Variants in OSCP1 observed in about 807,000 individuals in gnomAD.
OSCP1 encodes organic solute carrier partner 1, also known as protein OSCP1.
Under a neutral mutation model 45.1 loss-of-function variants are expected in OSCP1, and 35 were observed. That is an observed-to-expected ratio of 0.78 (90% CI 0.59 to 1.03). The LOEUF (loss-of-function observed/expected upper bound fraction) is 1.03. Among genes scored for constraint, OSCP1 ranks in the 50% least tolerant of loss-of-function variants. OSCP1 has a pLI of 0.00. For missense variants in OSCP1, 400 were observed against 470.7 expected (o/e 0.85, Z 1.39); for synonymous variants, 179 against 180.1 (o/e 0.99, Z 0.05).
At chr1:36,421,997 A>G in intron 7 of OSCP1, 153 bp downstream of exon 7, 1 of 697,980 alleles carries the variant, frequency 1.4e-6, no homozygotes, top group East Asian at 2.6e-5. Context: ...TACAATTAAA[A>G]CCTGTGTACT....
At chr1:36,445,989 A>G (rs1236756569) in intron 1 of OSCP1, among the ~76,000 whole-genome samples, 1 of 151,158 alleles carries the variant, frequency 6.6e-6, no homozygotes, top group East Asian at 2.0e-4. Context: ...CTGGGATTAC[A>G]GGTGTGAGCC....
At chr1:36,443,045 C>T (rs1014293851) in intron 1 of OSCP1, among the ~76,000 whole-genome samples, 6 of 152,148 alleles carry the variant, frequency 3.9e-5, no homozygotes, top group African/African-American at 1.4e-4. Context: ...CTCACTGCAA[C>T]CTCTGCCTCC....
chr1:36,442,397 G>C (rs1053670788), intron 1 of OSCP1, among the ~76,000 whole-genome samples: 2 of 152,142 alleles, frequency 1.3e-5, no homozygotes, highest in Non-Finnish European at 2.9e-5. Context: ...AAATTTCAAT[G>C]ATTCAATTAT....
intron 2 of OSCP1, among the ~76,000 whole-genome samples, chr1:36,438,362 T>C (rs188888282): frequency 6.7e-6 from 1 of 148,656 alleles, no homozygotes; most frequent in African/African-American, 2.5e-5. Context: ...TGATGGCATG[T>C]GCCTGTAGTC....
intron 1 of OSCP1, among the ~76,000 whole-genome samples, chr1:36,449,843 A>C (rs1649782188): frequency 7.0e-6 from 1 of 143,294 alleles, no homozygotes; most frequent in African/African-American, 2.7e-5. Flanking sequence ...CTCAAAAAAA[A>C]AAAAAAAAAA....
intron 4 of OSCP1, among the ~76,000 whole-genome samples, chr1:36,430,925 G>A (rs1011377907): frequency 6.6e-6 from 1 of 152,240 alleles, no homozygotes; most frequent in East Asian, 1.9e-4. Flanking sequence ...AATGTGCTGG[G>A]ATTACAGGCG....
intron 4 of OSCP1, among the ~76,000 whole-genome samples, chr1:36,425,951 A>C (rs947131959): frequency 6.6e-6 from 1 of 152,130 alleles, no homozygotes; most frequent in African/African-American, 2.4e-5. Context: ...GGCAGGCGTG[A>C]CTGTGGGTCT....
chr1:36,450,241 G>A lies in OSCP1; in HGVS notation c.112+17C>T. 6.2e-7 allele frequency: 1 copy of A among 1,606,404 alleles called. No individual in the cohort carries two copies. Among genetic ancestry groups the A allele is most frequent in the South Asian group, 1.1e-5 (1 of 90,832 alleles). On this transcript the variant is annotated intron_variant, in intron 1 of 9. Transcript: ENST00000235532. Reference sequence around the variant, plus strand: ...TGCTGGCTGCGGGTCTGGCTGAGCGGGCCGGGGGCCTCTCACCTTTGCGGG... The same window carrying A: ...TGCTGGCTGCGGGTCTGGCTGAGCGAGCCGGGGGCCTCTCACCTTTGCGGG...
At chr1:36,418,626 AG>A (rs1261956725) in intron 9 of OSCP1, 2 of 337,500 alleles carry the variant, frequency 5.9e-6, no homozygotes, top group Admixed American at 4.6e-5. Context: ...TGAGGAAAGG[AG>A]GAAGGGAGGC....
rs550353114 is a variant in OSCP1, at chr1:36,431,828, T to C, written c.490A>G (p.Ile164Val). The C allele has an allele frequency of 1.9e-6, 3 of 1,613,594 alleles. No homozygotes were observed. The highest frequency in any genetic ancestry group is 2.5e-6 in the Non-Finnish European group (3 of 1,180,010). The change falls in exon 4 of 10, where the codon ATC becomes GTC. Residue 164 changes from isoleucine to valine, a missense_variant. By Grantham distance (29) the Ile-to-Val change is conservative. Transcript: ENST00000235532. ...EFQLIRQTLL[I>V]FFQDLHIRVS... Reference sequence around the variant, plus strand: ...CGGATGTGCAGGTCTTGGAAGAAGATGAGGAGTGTCTGCCGGATCAGCTGG... The same window carrying C: ...CGGATGTGCAGGTCTTGGAAGAAGACGAGGAGTGTCTGCCGGATCAGCTGG...
chr1:36,420,953 G>A (rs1056368975), intron 7 of OSCP1, among the ~76,000 whole-genome samples: 1 of 151,776 alleles, frequency 6.6e-6, no homozygotes, highest in South Asian at 2.1e-4. Flanking sequence ...TTTACAAGTC[G>A]CCTCAGTCCA....
At chr1:36,423,649 C>A (rs570251010) in intron 4 of OSCP1, among the ~76,000 whole-genome samples, 183 bp from the exon 5 acceptor site, 3 of 151,822 alleles carry the variant, frequency 2.0e-5, no homozygotes, top group Admixed American at 2.0e-4. Flanking sequence ...CTGAGGCAGG[C>A]GGATCATGAG....
At chr1:36,418,283 C>G in intron 9 of OSCP1, 28 bp from the exon 10 acceptor site, 1 of 1,608,780 alleles carries the variant, frequency 6.2e-7, no homozygotes, top group Non-Finnish European at 8.5e-7. Context: ...GGTAAAAGGG[C>G]ATGAAGAGGC....
chr1:36,420,123 G>A (rs1303297262), intron 8 of OSCP1, among the ~76,000 whole-genome samples: 7 of 151,076 alleles, frequency 4.6e-5, no homozygotes, highest in Admixed American at 6.6e-5. Context: ...CTACAGGTGC[G>A]TGCCACCACA....
intron 1 of OSCP1, among the ~76,000 whole-genome samples, chr1:36,448,387 C>T (rs1048943133): frequency 6.6e-6 from 1 of 152,186 alleles, no homozygotes; most frequent in African/African-American, 2.4e-5. Flanking sequence ...GGAAAAATGA[C>T]AATGCTATAT....
At chr1:36,421,929 C>G (rs1427870312) in intron 7 of OSCP1, 1 of 580,680 alleles carries the variant, frequency 1.7e-6, no homozygotes, top group Admixed American at 3.0e-5. Context: ...ATTATGGTGG[C>G]CGAGCCAAGC....
intron 1 of OSCP1, chr1:36,443,876 A>G: frequency 9.6e-7 from 1 of 1,042,812 alleles, no homozygotes; most frequent in Non-Finnish European, 1.5e-6. Context: ...AGCTAAAGAC[A>G]AACTCATGCC....
intron 6 of OSCP1, 27 bp downstream of exon 6, chr1:36,422,741 A>G: frequency 1.3e-6 from 2 of 1,529,590 alleles, no homozygotes; most frequent in Non-Finnish European, 1.8e-6. Context: ...CTTGGACTTG[A>G]ATTCACTCAG....
chr1:36,428,165 G>A (rs1019957580), intron 4 of OSCP1: 127 of 1,148,030 alleles, frequency 1.1e-4, no homozygotes, highest in Non-Finnish European at 1.4e-4. Flanking sequence ...ACTCCAGCCT[G>A]GGCGACAGAG....
Sources: gnomAD v4.1 joint callset for allele counts (sites outside exome capture counted in the v4.1 genomes callset) on GRCh38, gnomAD v4.1.1 for gene constraint, MANE v1.5 for transcripts, NCBI Gene and HGNC (gene_info 2026-07-23, HGNC 2026-07-21) for gene names.